RBFOX1: variants seen among roughly 807,000 people sequenced by gnomAD.
RBFOX1 encodes the protein RNA binding fox-1 homolog 1, also known as RNA binding protein fox-1 homolog 1.
RBFOX1 carries 8 observed loss-of-function variants against 57.7 expected under a neutral mutation model. The ratio of observed to expected loss-of-function variants is 0.14; its 90% CI spans 0.08 to 0.25. The LOEUF (loss-of-function observed/expected upper bound fraction) is 0.25, where lower values mean the gene tolerates loss of function less well. RBFOX1 is among the 10% of genes least tolerant of loss of function. RBFOX1 has a pLI of 1.00. For synonymous variants in RBFOX1, 326 were observed against 222.4 expected (o/e 1.47, Z -4.15); for missense variants, 611 against 548.5 (o/e 1.11, Z -1.14).
At chr16:7,256,883 A>T (rs569576099) in intron 4 of RBFOX1, among the ~76,000 whole-genome samples, 11 of 152,212 alleles carry the variant, frequency 7.2e-5, no homozygotes, top group East Asian at 3.9e-4. Flanking sequence ...GGCATCTGAA[A>T]GTCCATCACA....
intron 13 of RBFOX1, among the ~76,000 whole-genome samples, chr16:7,672,337 T>G (rs770585271): frequency 5.3e-5 from 8 of 152,190 alleles, no homozygotes; most frequent in Non-Finnish European, 8.8e-5. Context: ...TCAGTGAGAG[T>G]TGTAGGACAT....
At chr16:6,315,253 G>T (rs1024283933) in intron 1 of RBFOX1, among the ~76,000 whole-genome samples, 1 of 152,228 alleles carries the variant, frequency 6.6e-6, no homozygotes, top group African/African-American at 2.4e-5. Flanking sequence ...AGCCAAGGAT[G>T]ACTGGAAAGA....
At chr16:6,721,849 G>A (rs2066058615) in intron 3 of RBFOX1, 1 of 153,482 alleles carries the variant, frequency 6.5e-6, no homozygotes, top group African/African-American at 2.4e-5. Flanking sequence ...TATTGCAGGA[G>A]TATTAGTAAG....
chr16:5,580,471 T>C (rs1022247733), intron 2 of RBFOX1, among the ~76,000 whole-genome samples: 8 of 152,348 alleles, frequency 5.3e-5, no homozygotes, highest in African/African-American at 1.9e-4. Flanking sequence ...CTTCACCGCC[T>C]GGGTGACTTG....
At position 6,688,127 on chromosome 16, in the gene RBFOX1, G is replaced by A. The variant is rs143332596; in HGVS notation, c.-16+33477G>A. 4.3e-3 allele frequency among the ~76,000 whole-genome samples: 660 copies of A among 152,138 alleles called. 4 individuals are homozygous for A. The highest frequency in any genetic ancestry group is 0.015 in the African/African-American group (622 of 41,516). On this transcript the variant is annotated intron_variant, in intron 3 of 15. Coordinates refer to ENST00000550418, the MANE Select transcript of RBFOX1 (RefSeq NM_018723.4). ...TCATTGGCTCCGGGTTCAGCAGGCTGTACAGGAAGCACCACGGCTTCTGGG... is the reference window on the plus strand; with the variant it reads ...TCATTGGCTCCGGGTTCAGCAGGCTATACAGGAAGCACCACGGCTTCTGGG...
intron 2 of RBFOX1, among the ~76,000 whole-genome samples, chr16:5,587,774 A>C (rs974659501): frequency 6.6e-6 from 1 of 152,218 alleles, no homozygotes; most frequent in Admixed American, 6.5e-5. Context: ...CCTCATAAAC[A>C]GCTGTCACTT....
intron 2 of RBFOX1, among the ~76,000 whole-genome samples, chr16:5,486,471 G>C (rs536829093): frequency 2.6e-4 from 39 of 152,320 alleles, no homozygotes; most frequent in African/African-American, 8.9e-4. Context: ...TTTGAGTGTG[G>C]ACTCCTTGGC....
intron 3 of RBFOX1, among the ~76,000 whole-genome samples, chr16:5,696,693 A>C (rs1324824603): frequency 2.6e-5 from 4 of 152,214 alleles, no homozygotes; most frequent in Non-Finnish European, 4.4e-5. Flanking sequence ...ATTGCATGGA[A>C]TTCAAATACT....
At chr16:6,725,978 C>T (rs567572215) in intron 3 of RBFOX1, among the ~76,000 whole-genome samples, 1 of 152,242 alleles carries the variant, frequency 6.6e-6, no homozygotes, top group Admixed American at 6.5e-5. Context: ...TAAATAATAA[C>T]ACTGGCCCTT....
At chr16:5,686,784 A>G (rs2050518226) in intron 3 of RBFOX1, among the ~76,000 whole-genome samples, 1 of 152,112 alleles carries the variant, frequency 6.6e-6, no homozygotes, top group Non-Finnish European at 1.5e-5. Flanking sequence ...TAGAAATTCC[A>G]TTTGGCTATC....
At chr16:6,376,015 C>G (rs528997865) in intron 2 of RBFOX1, among the ~76,000 whole-genome samples, 79 of 152,274 alleles carry the variant, frequency 5.2e-4, no homozygotes, top group South Asian at 1.5e-3. Context: ...CTCAGTCATC[C>G]TGTTTGAGCT....
rs376681811 is a variant in RBFOX1, at chr16:6,977,102, CAT to C, written c.-15-74948_-15-74947del. Among the ~76,000 whole-genome samples the C allele has an allele frequency of 3.1e-3, 432 of 137,316 alleles. 1 individual carries two copies. The highest frequency in any genetic ancestry group is 9.8e-3 in the African/African-American group (368 of 37,710). 90.1% of individuals were successfully genotyped at this position (137,316 alleles called of 152,430 possible). ...TATGATCTATATTTTATATATATAT[CAT>C]ATATATGATCTATATTATCATATAT... On this transcript the variant is annotated intron_variant, in intron 3 of 15. Coordinates refer to ENST00000550418, the MANE Select transcript of RBFOX1 (RefSeq NM_018723.4).
At chr16:6,136,642 G>T (rs969522766) in intron 1 of RBFOX1, among the ~76,000 whole-genome samples, 11 of 151,890 alleles carry the variant, frequency 7.2e-5, no homozygotes, top group African/African-American at 9.7e-5. Context: ...AACCTTTATG[G>T]GGCCCACAAA....
chr16:7,480,870 G>A (rs1341027628), intron 4 of RBFOX1, among the ~76,000 whole-genome samples: 1 of 152,156 alleles, frequency 6.6e-6, no homozygotes, highest in Non-Finnish European at 1.5e-5. Flanking sequence ...TTGTCCTCCT[G>A]GGGCTGCTTC....
At chr16:6,544,999 CT>C (rs1414075450) in intron 2 of RBFOX1, among the ~76,000 whole-genome samples, 4 of 151,988 alleles carry the variant, frequency 2.6e-5, no homozygotes, top group South Asian at 4.1e-4. Flanking sequence ...ACTAATAAAT[CT>C]TTTTTTTATA....
At chr16:5,483,969 C>T (rs56200002) in intron 2 of RBFOX1, among the ~76,000 whole-genome samples, 1 of 151,950 alleles carries the variant, frequency 6.6e-6, no homozygotes, top group Non-Finnish European at 1.5e-5. Flanking sequence ...CCAGGAGTTT[C>T]AGACTAGCCT....
chr16:7,175,913 C>T (rs953457794), intron 4 of RBFOX1, among the ~76,000 whole-genome samples: 1 of 152,102 alleles, frequency 6.6e-6, no homozygotes, highest in African/African-American at 2.4e-5. Flanking sequence ...CCCAAAGAAA[C>T]AGACACCAAT....
intron 3 of RBFOX1, among the ~76,000 whole-genome samples, chr16:6,677,558 C>T (rs921828659): frequency 6.6e-6 from 1 of 152,030 alleles, no homozygotes; most frequent in African/African-American, 2.4e-5. Context: ...AAAATTAAGC[C>T]CGGAAGCAGA....
chr16:6,639,926 T>C (rs188431219), intron 2 of RBFOX1, among the ~76,000 whole-genome samples: 7 of 152,082 alleles, frequency 4.6e-5, no homozygotes, highest in African/African-American at 9.7e-5. Flanking sequence ...ATTACAGTTA[T>C]GACAGGTATT....
Sources: allele counts gnomAD v4.1 joint callset (sites outside exome capture counted in the v4.1 genomes callset), GRCh38; gene constraint gnomAD v4.1.1; transcripts MANE v1.5; gene names NCBI Gene and HGNC (gene_info 2026-07-23, HGNC 2026-07-21).